Variants in GPAM observed in about 807,000 individuals in gnomAD.
The protein encoded by GPAM is glycerol-3-phosphate acyltransferase 1, mitochondrial.
In GPAM, 56 loss-of-function variants were observed where a neutral mutation model predicts 105.0. The ratio of observed to expected loss-of-function variants is 0.53; its 90% CI spans 0.43 to 0.67. GPAM has a LOEUF of 0.67. GPAM is among the 30% of genes least tolerant of loss of function. The probability of loss-of-function intolerance (pLI) is 0.00; values close to 1 mark genes in which losing one functional copy is unlikely to be tolerated. For synonymous variants in GPAM, 368 were observed against 354.4 expected, an observed-to-expected ratio of 1.04 and a Z score of -0.43; for missense variants, 855 against 989.8, an observed-to-expected ratio of 0.86 and a Z score of 1.83.
chr10:112,225,592 C>T, the GPAM span, among the ~76,000 whole-genome samples: 2 of 152,168 alleles, frequency 1.3e-5, no homozygotes, highest in Non-Finnish European at 2.9e-5. Flanking sequence ...GTGGGATCCC[C>T]TGGCACTGTG....
intron 9 of GPAM, among the ~76,000 whole-genome samples, chr10:112,169,289 C>T (rs1321911201): frequency 6.6e-6 from 1 of 152,082 alleles, no homozygotes; most frequent in Non-Finnish European, 1.5e-5. Context: ...AAATCCTGCC[C>T]AGGGTCTCAA....
At chr10:112,199,089 A>ATGTG (rs34627276) in intron 1 of GPAM, among the ~76,000 whole-genome samples, 8,489 of 134,822 alleles carry the variant, frequency 0.063, 302 homozygotes, top group East Asian at 0.13. Context: ...CGCCTGGCTA[A>ATGTG]TGTGTGTGTG....
intron 1 of GPAM, among the ~76,000 whole-genome samples, chr10:112,200,098 T>C (rs920107141): frequency 2.0e-5 from 3 of 149,176 alleles, no homozygotes; most frequent in African/African-American, 7.3e-5. Flanking sequence ...TTAAAGCAAC[T>C]GGAGACAGGA....
chr10:112,168,721 C>T, intron 10 of GPAM, 132 bp downstream of exon 10: 1 of 760,196 alleles, frequency 1.3e-6, no homozygotes, highest in East Asian at 2.6e-5. Flanking sequence ...CAACAAATTA[C>T]CAAACTCAAG....
chr10:112,222,941 A>G, the GPAM span, among the ~76,000 whole-genome samples: 2 of 151,730 alleles, frequency 1.3e-5, no homozygotes, highest in Non-Finnish European at 1.5e-5. Flanking sequence ...GTTGACTGAC[A>G]GCCTCTCGGT....
At chr10:112,201,294 G>A (rs960487071) in intron 1 of GPAM, among the ~76,000 whole-genome samples, 2 of 152,150 alleles carry the variant, frequency 1.3e-5, no homozygotes, top group African/African-American at 4.8e-5. Flanking sequence ...AGACCAAAGA[G>A]GATGGATGAT....
At position 112,154,534 on chromosome 10, in the gene GPAM, G is replaced by A. The variant is rs4918718; in HGVS notation, c.2370+95C>T. ...TAAGCCAGCAGAAACTGCTTCTCTCGGGGTCCACCCCACCACAAAGGTAGC... is the reference window on the plus strand; with the variant it reads ...TAAGCCAGCAGAAACTGCTTCTCTCAGGGTCCACCCCACCACAAAGGTAGC... On this transcript the variant is annotated intron_variant, in intron 21 of 21. Coordinates refer to ENST00000348367, the MANE Select transcript of GPAM (RefSeq NM_001244949.2). The A allele has an allele frequency of 1.3e-3, 1,220 of 913,642 alleles. 4 individuals carry two copies. Among genetic ancestry groups the A allele is most frequent in the Admixed American group, 1.8e-3 (104 of 56,736 alleles). 56.6% of individuals were successfully genotyped at this position (913,642 alleles called of 1,614,324 possible). A position where few individuals can be genotyped will look rare whatever the true frequency, so the allele number is the denominator to read the frequency against.
At chr10:112,153,896 T>C in intron 21 of GPAM, 1 of 461,828 alleles carries the variant, frequency 2.2e-6, no homozygotes, top group South Asian at 2.2e-5. Flanking sequence ...TTGATGGAGT[T>C]CAACCAACAT....
rs1412671181 is a variant in GPAM at position 112,204,562 on chromosome 10, G to T, written n.210+10606C>A. 6.6e-5 allele frequency among the ~76,000 whole-genome samples: 10 copies of T among 151,662 alleles called. No homozygotes were observed. The East Asian group carries it at 2.0e-3, about 30-fold the overall frequency. On this transcript the variant is annotated intron_variant and non_coding_transcript_variant, in intron 1 of 3. Transcript: ENST00000480130. ...GATCTGTTGTTTTCCTATAAACTGG[G>T]CATTAGGTTCTGACAACAGTGTGAA...
upstream of GPAM, among the ~76,000 whole-genome samples, chr10:112,184,860 C>G (rs545511090): frequency 9.9e-5 from 15 of 152,170 alleles, no homozygotes; most frequent in Non-Finnish European, 2.1e-4. Context: ...TACAACAGAT[C>G]TCACTCCAGT....
intron 18 of GPAM, among the ~76,000 whole-genome samples, chr10:112,157,945 T>C (rs142171427): frequency 7.1e-4 from 108 of 152,356 alleles, no homozygotes; most frequent in African/African-American, 2.5e-3. Flanking sequence ...TATTGGTTTG[T>C]TTACTTATTT....
Position 112,150,630 on chromosome 10 carries a change from G to T in GPAM, c.*2920C>A. On this transcript the variant is annotated 3_prime_UTR_variant, in exon 22 of 22. Coordinates refer to ENST00000348367, the MANE Select transcript of GPAM (RefSeq NM_001244949.2). ...GTGAGAGGTTCATAAGTATCCCAAA[G>T]GAGAAAAAGGTCCTGGTGTCAAAAT... is the stretch of plus-strand genomic sequence containing the variant. 4.4e-6 allele frequency: 4 copies of T among 915,630 alleles called. No homozygotes were observed. Among genetic ancestry groups the T allele is most frequent in the Non-Finnish European group, 5.2e-6 (4 of 766,392 alleles). The allele number at this position is 915,630 out of a possible 1,614,324, so 56.7% of individuals were successfully genotyped here.
intron 1 of GPAM, among the ~76,000 whole-genome samples, chr10:112,210,037 A>G (rs530064746): frequency 6.6e-6 from 1 of 152,306 alleles, no homozygotes; most frequent in Admixed American, 6.5e-5. Flanking sequence ...TGATGCAATG[A>G]TTTAATTAGC....
chr10:112,151,726 T>A lies in GPAM; in HGVS notation c.*1824A>T. ...AATGGTGAGCTTGAGTAATCCTTAA[T>A]TTACAATTTAAAGGATGAAAAAAAG... On this transcript the variant is annotated 3_prime_UTR_variant, in exon 22 of 22. Transcript: ENST00000348367. The A allele has an allele frequency of 1.0e-6, 1 of 985,202 alleles. No homozygotes were observed. Among genetic ancestry groups the A allele is most frequent in the Non-Finnish European group, 1.2e-6 (1 of 829,780 alleles). 61.0% of individuals were successfully genotyped at this position (985,202 alleles called of 1,614,324 possible).
chr10:112,156,141 G>A, intron 19 of GPAM, 88 bp from the exon 20 acceptor site: 1 of 888,722 alleles, frequency 1.1e-6, no homozygotes, highest in Non-Finnish European at 1.8e-6. Context: ...TGGAGAGCCA[G>A]TAACGTGAGA....
intron 16 of GPAM, 95 bp downstream of exon 16, chr10:112,160,509 G>T: frequency 7.7e-7 from 1 of 1,305,460 alleles, no homozygotes; most frequent in East Asian, 2.3e-5. Context: ...CTCAAGCAAG[G>T]GGCTATCACC....
At chr10:112,171,451 CA>C (rs1229145563) in intron 9 of GPAM, among the ~76,000 whole-genome samples, 1 of 152,182 alleles carries the variant, frequency 6.6e-6, no homozygotes. Context: ...TTTCAAAATA[CA>C]AACCTGAACA....
chr10:112,166,155 A>C (rs1016687902), intron 12 of GPAM, among the ~76,000 whole-genome samples: 20 of 151,954 alleles, frequency 1.3e-4, no homozygotes, highest in South Asian at 2.1e-4. Context: ...TCATGAATTA[A>C]AAAAAAATAA....
intron 1 of GPAM, among the ~76,000 whole-genome samples, chr10:112,192,195 C>T (rs867513612): frequency 4.6e-5 from 7 of 152,122 alleles, no homozygotes; most frequent in African/African-American, 1.4e-4. Context: ...AGTATTCATT[C>T]GTTTATCCAT....
Sources: allele counts gnomAD v4.1 joint callset (sites outside exome capture counted in the v4.1 genomes callset), GRCh38; gene constraint gnomAD v4.1.1; transcripts MANE v1.5; gene names NCBI Gene and HGNC (gene_info 2026-07-23, HGNC 2026-07-21).